AMBRA1: variants seen among roughly 807,000 people sequenced by gnomAD.
The protein encoded by AMBRA1 is autophagy and beclin 1 regulator 1, also known as activating molecule in BECN1-regulated autophagy protein 1.
AMBRA1 carries 47 observed loss-of-function variants against 125.4 expected under a neutral mutation model. That is an observed-to-expected ratio of 0.37 (90% CI 0.30 to 0.48). AMBRA1 has a LOEUF of 0.48. Ranked by LOEUF, AMBRA1 falls within the 20% of genes least tolerant of loss-of-function variation. The pLI, the probability that AMBRA1 is intolerant of heterozygous loss-of-function variation, is 0.99. For synonymous variants in AMBRA1, 626 were observed against 655.5 expected (o/e 0.95, Z 0.69); for missense variants, 1,331 against 1,693.4 (o/e 0.79, Z 3.76).
intron 1 of AMBRA1, among the ~76,000 whole-genome samples, chr11:46,563,034 G>T (rs796572726): frequency 6.6e-6 from 1 of 151,954 alleles, no homozygotes; most frequent in Non-Finnish European, 1.5e-5. Context: ...CTGACCTCAG[G>T]TGATCTGCCT....
At chr11:46,529,803 T>C (rs1952133262) in intron 7 of AMBRA1, among the ~76,000 whole-genome samples, 2 of 152,200 alleles carry the variant, frequency 1.3e-5, no homozygotes, top group African/African-American at 4.8e-5. Flanking sequence ...ACTTGAGGAC[T>C]ATTTTGCAAT....
chr11:46,494,319 T>G (rs758231699), intron 9 of AMBRA1, 115 bp from the exon 10 acceptor site: 6 of 797,872 alleles, frequency 7.5e-6, no homozygotes, highest in African/African-American at 6.9e-5. Flanking sequence ...GGACCCCACA[T>G]AAATTAGTCA....
chr11:46,531,143 A>G (rs1017092436), intron 7 of AMBRA1, among the ~76,000 whole-genome samples: 2 of 151,986 alleles, frequency 1.3e-5, no homozygotes, highest in African/African-American at 4.8e-5. Context: ...TCGGCCTCCC[A>G]AAGTGCTGGG....
At chr11:46,579,045 T>TAAAA (rs11393945) in intron 1 of AMBRA1, among the ~76,000 whole-genome samples, 20 of 67,984 alleles carry the variant, frequency 2.9e-4, no homozygotes, top group South Asian at 9.7e-4. Flanking sequence ...AAGAAAGCAA[T>TAAAA]AAAAAAAAAA....
At chr11:46,525,621 C>T (rs1365410325) in intron 7 of AMBRA1, among the ~76,000 whole-genome samples, 2 of 151,880 alleles carry the variant, frequency 1.3e-5, no homozygotes, top group African/African-American at 2.4e-5. Flanking sequence ...AGTGGTAGCA[C>T]GTGCCTGTAG....
intron 7 of AMBRA1, among the ~76,000 whole-genome samples, chr11:46,514,934 T>C (rs1298111049): frequency 6.6e-6 from 1 of 152,168 alleles, no homozygotes; most frequent in East Asian, 1.9e-4. Context: ...ATTCAGGTCA[T>C]TTATGCCATC....
rs374901824 is a variant in AMBRA1, at chr11:46,460,601, G to A, written c.2522-17003C>T. Among the ~76,000 whole-genome samples, 20 of 152,186 alleles carry A rather than the reference G, an allele frequency of 1.3e-4. No homozygotes were observed. In the East Asian group the frequency reaches 3.7e-3, roughly 28 times the overall value. ...GCCTCCCAAAGTGCTGGCATTACAG[G>A]CGTGAGCCACCGCGTCCAGCATAAA... On this transcript the variant is annotated intron_variant, in intron 11 of 17. Transcript: ENST00000683756.
chr11:46,531,536 CCT>C (rs1047066904), intron 7 of AMBRA1, among the ~76,000 whole-genome samples: 1 of 151,738 alleles, frequency 6.6e-6, no homozygotes, highest in African/African-American at 2.4e-5. Flanking sequence ...ATGGCGAAAC[CCT>C]GTCTCTACTA....
intron 1 of AMBRA1, among the ~76,000 whole-genome samples, chr11:46,580,226 T>C (rs1402605827): frequency 2.6e-5 from 4 of 152,200 alleles, no homozygotes; most frequent in Non-Finnish European, 5.9e-5. Context: ...TAACAAGCTC[T>C]TACATTTTCT....
Position 46,544,025 on chromosome 11 carries a change from G to A in AMBRA1, c.568C>T (p.Pro190Ser). The change falls in exon 6 of 18, where the codon CCA becomes TCA. Residue 190 changes from proline to serine, a missense_variant. Transcript: ENST00000683756. ...GCTGTGAGTAAGTAGTGTCCAAGTG[G>A]ATCAAATCTCACCAGACTAAAATCA... The part of the protein sequence containing the change: ...MERVRLVRFD[P>S]LGHYLLTAIV... The A allele has an allele frequency of 1.2e-6, 2 of 1,613,754 alleles. No individual in the cohort carries two copies. The highest frequency in any genetic ancestry group is 1.7e-6 in the Non-Finnish European group (2 of 1,179,736).
Position 46,575,603 on chromosome 11 carries a change from G to A in AMBRA1, c.-121+18225C>T, listed in dbSNP as rs544516748. 6.9e-5 allele frequency among the ~76,000 whole-genome samples: 9 copies of A among 131,068 alleles called. No homozygotes were observed. In the East Asian group the frequency reaches 1.2e-3, roughly 18 times the overall value. The allele number at this position is 131,068 out of a possible 152,430, so 86.0% of individuals were successfully genotyped here. On this transcript the variant is annotated intron_variant, in intron 1 of 17. Coordinates refer to ENST00000683756, the MANE Select transcript of AMBRA1 (RefSeq NM_001387011.1). The stretch of plus-strand genomic sequence containing the variant: ...ATGATCTCGGCTCACTGCAACCTCC[G>A]CCTCCTGGGTTCAAGCAATTCTTCT...
intron 12 of AMBRA1, among the ~76,000 whole-genome samples, chr11:46,442,441 C>G (rs912703714): frequency 2.6e-5 from 4 of 152,082 alleles, no homozygotes; most frequent in Non-Finnish European, 5.9e-5. Flanking sequence ...CTACACCTGG[C>G]TGAAAGAATA....
intron 1 of AMBRA1, among the ~76,000 whole-genome samples, chr11:46,579,042 C>CAAAAAAAAAAAAA (rs1458414244): frequency 2.5e-5 from 1 of 39,878 alleles, no homozygotes; most frequent in African/African-American, 1.3e-4. Context: ...CACAAGAAAG[C>CAAAAAAAAAAAAA]AATAAAAAAA....
At chr11:46,400,473 GTTTTTT>G (rs553040136) in intron 17 of AMBRA1, among the ~76,000 whole-genome samples, 5 of 48,890 alleles carry the variant, frequency 1.0e-4, no homozygotes, top group African/African-American at 1.3e-4. Flanking sequence ...TCTTTCTATA[GTTTTTT>G]TTTTTTTTTT....
At chr11:46,442,373 G>A (rs960246152) in intron 12 of AMBRA1, among the ~76,000 whole-genome samples, 4 of 151,708 alleles carry the variant, frequency 2.6e-5, no homozygotes, top group Non-Finnish European at 5.9e-5. Flanking sequence ...GAACTCCTGG[G>A]ATCACGTGAT....
chr11:46,589,620 T>C (rs2044520083), intron 1 of AMBRA1, among the ~76,000 whole-genome samples: 1 of 151,982 alleles, frequency 6.6e-6, no homozygotes, highest in South Asian at 2.1e-4. Flanking sequence ...TGAGAGAAAT[T>C]GCCAACTTTT....
intron 7 of AMBRA1, among the ~76,000 whole-genome samples, chr11:46,524,579 T>C (rs1324775533): frequency 6.6e-6 from 1 of 152,380 alleles, no homozygotes; most frequent in Non-Finnish European, 1.5e-5. Flanking sequence ...TGTGAGACCT[T>C]GGGCAAGTTC....
intron 17 of AMBRA1, among the ~76,000 whole-genome samples, chr11:46,402,851 T>C (rs991499758): frequency 6.6e-6 from 1 of 152,170 alleles, no homozygotes; most frequent in Non-Finnish European, 1.5e-5. Flanking sequence ...CCCCCAGGGC[T>C]CGGTGTGGAC....
intron 11 of AMBRA1, among the ~76,000 whole-genome samples, chr11:46,455,095 C>G (rs1948795319): frequency 6.6e-6 from 1 of 152,152 alleles, no homozygotes; most frequent in African/African-American, 2.4e-5. Flanking sequence ...AGTATTTACC[C>G]AGGCTGGTCT....
Sources: gnomAD v4.1 joint callset for allele counts (sites outside exome capture counted in the v4.1 genomes callset) on GRCh38, gnomAD v4.1.1 for gene constraint, MANE v1.5 for transcripts, NCBI Gene and HGNC (gene_info 2026-07-23, HGNC 2026-07-21) for gene names.